The following SMARCC1 variants were observed in gnomAD, a reference collection of about 807,000 sequenced individuals.
The protein encoded by SMARCC1 is SWI/SNF complex subunit SMARCC1.
SMARCC1 carries 43 observed loss-of-function variants against 147.4 expected under a neutral mutation model. That is an observed-to-expected ratio of 0.29 (90% CI 0.23 to 0.38). The LOEUF is 0.38. SMARCC1 is among the 10% of genes least tolerant of loss of function. SMARCC1 has a pLI of 1.00. For missense variants in SMARCC1, 1,119 were observed against 1,381.1 expected (o/e 0.81, Z 3.01); for synonymous variants, 495 against 484.4 (o/e 1.02, Z -0.29).
rs75284127 is a variant in SMARCC1 at position 47,694,285 on chromosome 3, G to A, written c.1166-985C>T. 6.4e-3 allele frequency among the ~76,000 whole-genome samples: 971 copies of A among 152,282 alleles called. 15 individuals are homozygous for A. Among genetic ancestry groups the A allele is most frequent in the African/African-American group, 0.022 (905 of 41,558 alleles). On this transcript the variant is annotated intron_variant, in intron 11 of 27. Transcript: ENST00000254480. ...CTAAAAATAAAACACTGCAACTAGA[G>A]GTACACATTTTAAAATTTTAAAAAC...
At chr3:47,694,587 G>A (rs1189284169) in intron 11 of SMARCC1, among the ~76,000 whole-genome samples, 1 of 152,150 alleles carries the variant, frequency 6.6e-6, no homozygotes, top group Admixed American at 6.6e-5. Flanking sequence ...ACAACAGAGC[G>A]AGACTCAGTC....
chr3:47,626,504 G>GA (rs1405516357), intron 24 of SMARCC1, among the ~76,000 whole-genome samples: 1 of 147,820 alleles, frequency 6.8e-6, no homozygotes, highest in African/African-American at 2.5e-5. Flanking sequence ...AAAGGAAAAA[G>GA]AAAAAAGAGA....
intron 18 of SMARCC1, among the ~76,000 whole-genome samples, chr3:47,673,644 G>A (rs564325056): frequency 7.2e-5 from 11 of 152,224 alleles, no homozygotes; most frequent in South Asian, 2.1e-4. Context: ...AGCCAACATC[G>A]CGCCACTTCA....
chr3:47,696,289 A>G (rs1296543613), intron 11 of SMARCC1, among the ~76,000 whole-genome samples: 1 of 151,748 alleles, frequency 6.6e-6, no homozygotes, highest in African/African-American at 2.4e-5. Flanking sequence ...CAGGACAATC[A>G]CTAGAATCCT....
chr3:47,670,143 T>A (rs2033476367), intron 19 of SMARCC1, among the ~76,000 whole-genome samples: 1 of 152,244 alleles, frequency 6.6e-6, no homozygotes, highest in East Asian at 1.9e-4. Context: ...AATTATCAAT[T>A]TAATCATCTC....
intron 2 of SMARCC1, among the ~76,000 whole-genome samples, chr3:47,747,487 A>AATATAAATATAAATATAAAAC (rs1559661625): frequency 8.7e-5 from 13 of 149,672 alleles, no homozygotes; most frequent in African/African-American, 2.9e-4. Context: ...AAATATAAAA[A>AATATAAATATAAATATAAAAC]TTAGCCAGGC....
At chr3:47,600,997 ATGAGAGAGAGAGAG>A (rs2032373353) in intron 26 of SMARCC1, among the ~76,000 whole-genome samples, 1 of 28,884 alleles carries the variant, frequency 3.5e-5, no homozygotes. Flanking sequence ...GAGGAAGAAA[ATGAGAGAGAGAGAG>A]AGAGAGAGAG....
rs1038034557 is a variant in SMARCC1 at position 47,723,189 on chromosome 3, C to G, written c.647-2454G>C. Reference sequence around the variant, plus strand: ...TAGCCCTCAAAAGGGCAATCTCTCCCCAGGTCATCAAATGCCAGAGCAACA... The same window carrying G: ...TAGCCCTCAAAAGGGCAATCTCTCCGCAGGTCATCAAATGCCAGAGCAACA... On this transcript the variant is annotated intron_variant, in intron 6 of 27. Transcript: ENST00000254480. 6.6e-5 allele frequency among the ~76,000 whole-genome samples: 10 copies of G among 151,976 alleles called. No individual in the cohort carries two copies. In the East Asian group the frequency reaches 1.7e-3, roughly 26 times the overall value.
Position 47,604,699 on chromosome 3 carries a change from C to CTTT in SMARCC1, c.3043+5364_3043+5366dup, listed in dbSNP as rs58702136. ...ATAGTGGGTTTAATTTACTGTTGTTCTTTTTTTTTTTTTTTGAGATAGGGT... is the reference window on the plus strand; with the variant it reads ...ATAGTGGGTTTAATTTACTGTTGTTCTTTTTTTTTTTTTTTTTTGAGATAGGGT... On this transcript the variant is annotated intron_variant, in intron 26 of 27. Coordinates refer to ENST00000254480, the MANE Select transcript of SMARCC1 (RefSeq NM_003074.4). 26 of 116,084 alleles carry CTTT rather than the reference C, an allele frequency of 2.2e-4. 1 individual carries two copies. Among genetic ancestry groups the CTTT allele is most frequent in the Non-Finnish European group, 3.4e-4 (20 of 58,946 alleles). The allele number at this position is 116,084 out of a possible 1,614,324, so 7.2% of individuals were successfully genotyped here.
intron 3 of SMARCC1, among the ~76,000 whole-genome samples, chr3:47,738,459 G>A (rs954711454): frequency 2.6e-5 from 4 of 152,210 alleles, no homozygotes; most frequent in African/African-American, 9.6e-5. Flanking sequence ...GCTGAGGCGG[G>A]TGGATCAAGA....
intron 26 of SMARCC1, among the ~76,000 whole-genome samples, chr3:47,594,615 T>C (rs1270363637): frequency 6.6e-6 from 1 of 151,940 alleles, no homozygotes; most frequent in African/African-American, 2.4e-5. Flanking sequence ...GGAAAAACTA[T>C]GGAAGGAGCA....
intron 10 of SMARCC1, among the ~76,000 whole-genome samples, chr3:47,704,927 A>T (rs940593934): frequency 1.3e-5 from 2 of 150,952 alleles, no homozygotes; most frequent in Non-Finnish European, 2.9e-5. Flanking sequence ...AAAAAAAAAG[A>T]TGAAATGTTA....
At chr3:47,627,930 C>T (rs1417529168) in intron 24 of SMARCC1, among the ~76,000 whole-genome samples, 1 of 151,878 alleles carries the variant, frequency 6.6e-6, no homozygotes, top group Non-Finnish European at 1.5e-5. Context: ...TCTCTGTTGC[C>T]CAGGTTGGTC....
intron 2 of SMARCC1, among the ~76,000 whole-genome samples, chr3:47,755,150 G>A (rs1455772288): frequency 6.6e-6 from 1 of 152,118 alleles, no homozygotes; most frequent in Non-Finnish European, 1.5e-5. Flanking sequence ...GGTGGAGGCT[G>A]CAGTGAGCCA....
intron 6 of SMARCC1, among the ~76,000 whole-genome samples, chr3:47,726,174 G>C (rs564250085): frequency 6.6e-6 from 1 of 151,456 alleles, no homozygotes; most frequent in African/African-American, 2.4e-5. Flanking sequence ...TGGGAGGACT[G>C]CTTGATACCA....
chr3:47,744,238 T>G (rs1388907789), intron 3 of SMARCC1, among the ~76,000 whole-genome samples: 1 of 151,802 alleles, frequency 6.6e-6, no homozygotes, highest in Non-Finnish European at 1.5e-5. Flanking sequence ...GTCTCCCGGG[T>G]TCAAGCAATT....
intron 25 of SMARCC1, among the ~76,000 whole-genome samples, chr3:47,615,690 T>TTTCTTTCTC (rs1443378179): frequency 6.6e-6 from 1 of 152,214 alleles, no homozygotes; most frequent in Non-Finnish European, 1.5e-5. Flanking sequence ...TTTCTTTTCT[T>TTTCTTTCTC]TTCTTTTTTT....
At chr3:47,685,620 G>A (rs2033711616) in intron 14 of SMARCC1, among the ~76,000 whole-genome samples, 1 of 150,892 alleles carries the variant, frequency 6.6e-6, no homozygotes, top group Non-Finnish European at 1.5e-5. Flanking sequence ...AGCACTTTGG[G>A]AGGCTGAAGC....
chr3:47,627,846 G>A (rs60783347), intron 24 of SMARCC1, among the ~76,000 whole-genome samples: 2,534 of 151,702 alleles, frequency 0.017, 83 homozygotes, highest in African/African-American at 0.058. Flanking sequence ...TCAGCCTCCC[G>A]AGTAGATAGG....
Sources: allele counts gnomAD v4.1 joint callset (sites outside exome capture counted in the v4.1 genomes callset), GRCh38; gene constraint gnomAD v4.1.1; transcripts MANE v1.5; gene names NCBI Gene and HGNC (gene_info 2026-07-23, HGNC 2026-07-21).